Variants in PTPRC observed in about 807,000 individuals in gnomAD.
The protein encoded by PTPRC is receptor-type tyrosine-protein phosphatase C.
A neutral mutation model predicts 155.9 loss-of-function variants in PTPRC; 44 were observed. The observed-to-expected ratio is 0.28, with a 90% CI of 0.22 to 0.36. PTPRC has a LOEUF of 0.36. Among genes scored for constraint, PTPRC ranks in the 10% least tolerant of loss-of-function variants. PTPRC has a pLI of 1.00. For synonymous variants in PTPRC, 525 were observed against 533.1 expected (o/e 0.98, Z 0.21); for missense variants, 1,401 against 1,564.6 (o/e 0.90, Z 1.76).
At chr1:198,726,912 G>T (rs1391554957) in intron 15 of PTPRC, among the ~76,000 whole-genome samples, 1 of 148,202 alleles carries the variant, frequency 6.7e-6, no homozygotes, top group East Asian at 2.0e-4. Context: ...GTCCAGGTTG[G>T]AGTACAGTGG....
intron 31 of PTPRC, 81 bp from the exon 32 acceptor site, chr1:198,754,188 C>A (rs1268765508): frequency 6.9e-6 from 10 of 1,447,932 alleles, no homozygotes; most frequent in East Asian, 2.3e-5. Context: ...AAAATATATT[C>A]TCTCTCTTCC....
At chr1:198,659,433 G>A (rs551858426) in intron 2 of PTPRC, among the ~76,000 whole-genome samples, 1 of 152,284 alleles carries the variant, frequency 6.6e-6, no homozygotes, top group African/African-American at 2.4e-5. Context: ...TGCAGTGGAG[G>A]GACAGAGGGG....
rs1046917777 is a variant in PTPRC at position 198,747,996 on chromosome 1, A to G, written c.2848-113A>G. On this transcript the variant is annotated intron_variant, in intron 26 of 32. Coordinates refer to ENST00000442510, the MANE Select transcript of PTPRC (RefSeq NM_002838.5). ...AAAAATTATGGCCTATAGGGAGCAT[A>G]TGCAAATTTCACAAAAATTAATGAA... 5 of 1,461,034 alleles carry G rather than the reference A, an allele frequency of 3.4e-6. No individual in the cohort carries two copies. The East Asian group carries it at 1.2e-4, about 36-fold the overall frequency. 90.5% of individuals were successfully genotyped at this position (1,461,034 alleles called of 1,614,324 possible).
At chr1:198,731,748 T>A in intron 18 of PTPRC, 22 bp downstream of exon 18, 1 of 1,528,664 alleles carries the variant, frequency 6.5e-7, no homozygotes, top group Non-Finnish European at 9.1e-7. Flanking sequence ...TTTTGTTATA[T>A]GATGATAAAT....
intron 5 of PTPRC, 22 bp from the exon 6 acceptor site, chr1:198,702,365 C>A (rs772994391): frequency 3.7e-6 from 6 of 1,614,190 alleles, no homozygotes; most frequent in Non-Finnish European, 5.1e-6. Flanking sequence ...AGTGACAGTG[C>A]TGATGGCCCT....
chr1:198,674,683 A>G (rs1022226998), intron 2 of PTPRC, among the ~76,000 whole-genome samples: 3 of 151,892 alleles, frequency 2.0e-5, no homozygotes, highest in Admixed American at 1.3e-4. Context: ...AATCTATGCT[A>G]TGCTTTGCTT....
chr1:198,745,086 C>T (rs1011602082), intron 26 of PTPRC, among the ~76,000 whole-genome samples: 2 of 151,808 alleles, frequency 1.3e-5, no homozygotes, highest in African/African-American at 4.8e-5. Flanking sequence ...AATATACCTG[C>T]CCTACTAATC....
At chr1:198,713,215 C>A in intron 12 of PTPRC, 143 bp downstream of exon 12, 1 of 1,182,094 alleles carries the variant, frequency 8.5e-7, no homozygotes, top group Non-Finnish European at 1.2e-6. Flanking sequence ...CTTAGAATTG[C>A]TTCCACTCAT....
chr1:198,746,955 A>T (rs1655161057), intron 26 of PTPRC, among the ~76,000 whole-genome samples: 3 of 151,844 alleles, frequency 2.0e-5, no homozygotes, highest in Admixed American at 2.0e-4. Context: ...TGCCATAATT[A>T]GTTTGAATGA....
intron 2 of PTPRC, among the ~76,000 whole-genome samples, chr1:198,682,664 C>T (rs1665404019): frequency 6.6e-6 from 1 of 152,132 alleles, no homozygotes; most frequent in Admixed American, 6.5e-5. Context: ...TGTATGTTTT[C>T]CTTTGTTTCA....
intron 2 of PTPRC, chr1:198,680,071 G>A: frequency 2.2e-6 from 1 of 461,038 alleles, no homozygotes; most frequent in Middle Eastern, 5.6e-4. Context: ...GCGCAGCTGG[G>A]AGTGCCACTA....
At chr1:198,698,162 C>A (rs1014505840) in intron 4 of PTPRC, among the ~76,000 whole-genome samples, 2 of 152,144 alleles carry the variant, frequency 1.3e-5, no homozygotes, top group African/African-American at 2.4e-5. Flanking sequence ...TAAAAACATG[C>A]AACATTCTTT....
At chr1:198,679,396 A>ATTTTTTTTTTTTTTTT (rs34684883) in intron 2 of PTPRC, among the ~76,000 whole-genome samples, 2 of 109,988 alleles carry the variant, frequency 1.8e-5, no homozygotes, top group Admixed American at 9.2e-5. Flanking sequence ...ACGCCCAGCT[A>ATTTTTTTTTTTTTTTT]TTTTTTTTTT....
At chr1:198,728,291 G>C (rs1571875209) in intron 15 of PTPRC, 49 bp from the exon 16 acceptor site, 1 of 1,463,254 alleles carries the variant, frequency 6.8e-7, no homozygotes, top group Non-Finnish European at 9.5e-7. Flanking sequence ...AACCAGTCTA[G>C]CAAGTTATTT....
intron 2 of PTPRC, among the ~76,000 whole-genome samples, chr1:198,648,591 G>A (rs1030688377): frequency 6.6e-6 from 1 of 151,810 alleles, no homozygotes; most frequent in Non-Finnish European, 1.5e-5. Flanking sequence ...ATGCATGTAA[G>A]TTCATTCACC....
intron 2 of PTPRC, 33 bp from the exon 3 acceptor site, chr1:198,692,314 A>ATT (rs2102369048): frequency 6.7e-7 from 1 of 1,490,392 alleles, no homozygotes; most frequent in East Asian, 2.5e-5. Flanking sequence ...GAAATTTGAA[A>ATT]TTTTCTAAGA....
chr1:198,752,248 G>T lies in PTPRC; in HGVS notation c.3208-1G>T, dbSNP rs745816899. On this transcript the variant is annotated splice_acceptor_variant, in intron 29 of 32. Transcript: ENST00000442510. LOFTEE classifies it high-confidence loss of function. ...TTGTTGAATTGTCTTCTTTTATCTAGGAAATCTGTGCTCAGTACTGGGGAG... is the reference window on the plus strand; with the variant it reads ...TTGTTGAATTGTCTTCTTTTATCTATGAAATCTGTGCTCAGTACTGGGGAG... 1 of 1,611,008 alleles carries T rather than the reference G, an allele frequency of 6.2e-7. No individual in the cohort carries two copies.
chr1:198,677,988 G>A (rs1665061213), intron 2 of PTPRC, among the ~76,000 whole-genome samples: 1 of 151,614 alleles, frequency 6.6e-6, no homozygotes, highest in Admixed American at 6.6e-5. Flanking sequence ...TTTATTGTAT[G>A]AACATAAATA....
chr1:198,655,168 C>T (rs897484154), intron 2 of PTPRC, among the ~76,000 whole-genome samples: 4 of 150,070 alleles, frequency 2.7e-5, no homozygotes, highest in African/African-American at 4.9e-5. Context: ...TTCAAGTTGC[C>T]GGTTTTTTTT....
Sources: allele counts gnomAD v4.1 joint callset (sites outside exome capture counted in the v4.1 genomes callset), GRCh38; gene constraint gnomAD v4.1.1; transcripts MANE v1.5; gene names NCBI Gene and HGNC (gene_info 2026-07-23, HGNC 2026-07-21).